Variants in DYRK1A observed in about 807,000 individuals in gnomAD.
DYRK1A encodes the protein dual specificity tyrosine phosphorylation regulated kinase 1A, also known as dual specificity tyrosine-phosphorylation-regulated kinase 1A.
DYRK1A carries 9 observed loss-of-function variants against 79.7 expected under a neutral mutation model. The ratio of observed to expected loss-of-function variants is 0.11; its 90% CI spans 0.07 to 0.20. DYRK1A has a LOEUF of 0.20. DYRK1A is among the 10% of genes least tolerant of loss of function. The pLI, the probability that DYRK1A is intolerant of heterozygous loss-of-function variation, is 1.00. For missense variants in DYRK1A, 622 were observed against 956.0 expected (o/e 0.65, Z 4.61); for synonymous variants, 349 against 329.7 (o/e 1.06, Z -0.63).
chr21:37,506,164 A>G lies in DYRK1A; in HGVS notation c.1585A>G (p.Ser529Gly), dbSNP rs1188013027. ...RSDPTHQHRH[S>G]GGHFTAAVQA... is the part of the protein sequence containing the mutation. ...GGATCCGACGCACCAGCATCGGCACAGTGGTGGGCACTTCACAGCTGCCGT... is the reference window on the plus strand; with the variant it reads ...GGATCCGACGCACCAGCATCGGCACGGTGGTGGGCACTTCACAGCTGCCGT... The change falls in exon 11 of 12, where the codon AGT becomes GGT. Residue 529 changes from serine to glycine, a missense_variant. By Grantham distance (56) the Ser-to-Gly change is moderately conservative. Transcript: ENST00000647188. The G allele has an allele frequency of 1.2e-6, 2 of 1,614,228 alleles. No homozygotes were observed. The highest frequency in any genetic ancestry group is 1.3e-5 in the African/African-American group (1 of 75,062).
chr21:37,502,207 G>A (rs543553494), intron 9 of DYRK1A: 1 of 152,090 alleles, frequency 6.6e-6, no homozygotes, highest in South Asian at 2.1e-4. Flanking sequence ...TTTGTGTTGT[G>A]TGCAACATAT....
At chr21:37,390,722 C>G (rs1274115647) in intron 1 of DYRK1A, among the ~76,000 whole-genome samples, 2 of 152,180 alleles carry the variant, frequency 1.3e-5, no homozygotes, top group Non-Finnish European at 2.9e-5. Context: ...GTGCCTGTCA[C>G]CACACCCGGC....
At chr21:37,486,385 AT>A (rs1456024840) in intron 5 of DYRK1A, 81 bp from the exon 6 acceptor site, 26 of 1,099,820 alleles carry the variant, frequency 2.4e-5, no homozygotes, top group Non-Finnish European at 3.0e-5. Flanking sequence ...AATTAGGTAA[AT>A]GTTATAATTA....
At chr21:37,502,760 C>A (rs1419817376) in intron 9 of DYRK1A, 1 of 152,014 alleles carries the variant, frequency 6.6e-6, no homozygotes. Context: ...GCCTCAAGAC[C>A]TTCCTTTAAC....
At chr21:37,371,049 T>C (rs1020556863) in intron 1 of DYRK1A, among the ~76,000 whole-genome samples, 5 of 152,208 alleles carry the variant, frequency 3.3e-5, no homozygotes, top group Admixed American at 2.6e-4. Flanking sequence ...ATTAAAAAGT[T>C]TGGAGAGTTA....
intron 1 of DYRK1A, chr21:37,368,103 G>GGGGCCGGGCCGGGCCGGGCC (rs561276058): frequency 6.5e-6 from 1 of 152,910 alleles, no homozygotes; most frequent in Non-Finnish European, 1.5e-5. Flanking sequence ...CGAGGACGGC[G>GGGGCCGGGCCGGGCCGGGCC]GGGCCGGGCC....
intron 2 of DYRK1A, among the ~76,000 whole-genome samples, chr21:37,444,620 T>G (rs1246903803): frequency 4.1e-3 from 2 of 492 alleles, no homozygotes; most frequent in Non-Finnish European, 9.2e-3. Flanking sequence ...TTGAGAATGA[T>G]TAGTCATGGG....
At chr21:37,383,942 C>T (rs1602374775) in intron 1 of DYRK1A, among the ~76,000 whole-genome samples, 1 of 151,902 alleles carries the variant, frequency 6.6e-6, no homozygotes, top group South Asian at 2.1e-4. Flanking sequence ...ATTTGCCTTC[C>T]TACTGTAAAC....
intron 2 of DYRK1A, among the ~76,000 whole-genome samples, chr21:37,454,085 C>CTTTTTTTTTTTTTTTTTTTT (rs571859735): frequency 3.4e-5 from 2 of 59,626 alleles, no homozygotes; most frequent in African/African-American, 1.3e-4. Context: ...ATGTAGTCTC[C>CTTTTTTTTTTTTTTTTTTTT]TTTTTTTTTT....
At chr21:37,497,433 G>T (rs1308724952) in intron 9 of DYRK1A, among the ~76,000 whole-genome samples, 1 of 152,066 alleles carries the variant, frequency 6.6e-6, no homozygotes, top group Non-Finnish European at 1.5e-5. Flanking sequence ...CTGGGCTCTT[G>T]TTTTTTCTTT....
intron 2 of DYRK1A, among the ~76,000 whole-genome samples, chr21:37,466,256 A>G: frequency 6.6e-6 from 1 of 152,236 alleles, no homozygotes; most frequent in East Asian, 1.9e-4. Flanking sequence ...ACATATGTGT[A>G]TGGATGAGAG....
intron 1 of DYRK1A, chr21:37,410,461 A>T (rs754436305): frequency 1.3e-5 from 2 of 152,198 alleles, no homozygotes; most frequent in Non-Finnish European, 2.9e-5. Context: ...TTAGGATTTT[A>T]TTCTCCTTAA....
At chr21:37,401,114 A>G (rs1041839278) in intron 1 of DYRK1A, among the ~76,000 whole-genome samples, 4 of 152,156 alleles carry the variant, frequency 2.6e-5, no homozygotes, top group African/African-American at 9.7e-5. Flanking sequence ...ACTGCACTCC[A>G]GCTTGGGCGA....
chr21:37,395,587 C>T (rs750027866), intron 1 of DYRK1A, among the ~76,000 whole-genome samples: 1 of 151,932 alleles, frequency 6.6e-6, no homozygotes, highest in East Asian at 1.9e-4. Context: ...AATTTCTCTC[C>T]TGGGGATGGG....
intron 3 of DYRK1A, among the ~76,000 whole-genome samples, chr21:37,476,499 C>T (rs748943299): frequency 2.2e-4 from 33 of 152,188 alleles, no homozygotes; most frequent in Non-Finnish European, 3.2e-4. Flanking sequence ...GGCTGCACTC[C>T]ACCAGCCCAA....
chr21:37,455,187 G>A (rs796923401), intron 2 of DYRK1A, among the ~76,000 whole-genome samples: 2 of 152,080 alleles, frequency 1.3e-5, no homozygotes, highest in African/African-American at 4.8e-5. Flanking sequence ...TGTGTGTGAG[G>A]GCCTGGGCTC....
intron 3 of DYRK1A, among the ~76,000 whole-genome samples, chr21:37,477,339 A>G (rs1440605094): frequency 1.3e-5 from 2 of 152,116 alleles, no homozygotes; most frequent in Non-Finnish European, 2.9e-5. Flanking sequence ...ATTGGTTTTG[A>G]GGATCTGTTG....
Position 37,525,147 on chromosome 21 carries a change from C to G in DYRK1A, c.*12616C>G, listed in dbSNP as rs1196831390. On this transcript the variant is annotated 3_prime_UTR_variant, in exon 12 of 12. Transcript: ENST00000647188. ...AATTCAGTACACCCTGAAGTGGAAT[C>G]TGCTAAGATGTGTTATGACTGTTGG... 6.6e-6 allele frequency: 1 copy of G among 152,206 alleles called. No homozygotes were observed. Among genetic ancestry groups the G allele is most frequent in the African/African-American group, 2.4e-5 (1 of 41,430 alleles). The allele number at this position is 152,206 out of a possible 1,614,324, so 9.4% of individuals were successfully genotyped here.
At chr21:37,417,856 A>G (rs988076139) in intron 1 of DYRK1A, among the ~76,000 whole-genome samples, 3 of 152,144 alleles carry the variant, frequency 2.0e-5, no homozygotes, top group African/African-American at 4.8e-5. Context: ...AACATACTGT[A>G]GAAGATTTGA....
Sources: allele counts gnomAD v4.1 joint callset (sites outside exome capture counted in the v4.1 genomes callset), GRCh38; gene constraint gnomAD v4.1.1; transcripts MANE v1.5; gene names NCBI Gene and HGNC (gene_info 2026-07-23, HGNC 2026-07-21).